The following GKN2 variants were observed in gnomAD, a reference collection of about 807,000 sequenced individuals.
The protein encoded by GKN2 is gastrokine-2.
GKN2 carries 17 observed loss-of-function variants against 22.7 expected under a neutral mutation model. The ratio of observed to expected loss-of-function variants is 0.75; its 90% CI spans 0.51 to 1.13. The LOEUF (loss-of-function observed/expected upper bound fraction) is 1.13, where lower values mean the gene tolerates loss of function less well. Among genes scored for constraint, GKN2 ranks in the 50% most tolerant of loss-of-function variants. GKN2 has a pLI of 0.00. For missense variants in GKN2, 248 were observed against 221.4 expected (o/e 1.12, Z -0.76); for synonymous variants, 82 against 79.6 (o/e 1.03, Z -0.16).
rs906205272 is a variant in GKN2, at chr2:68,950,263, C to A, written c.67G>T (p.Val23Phe). The change falls in exon 3 of 6, where the codon GTT becomes TTT. Residue 23 changes from valine (V) to phenylalanine (F), a missense_variant and splice_region_variant. Coordinates refer to ENST00000328895, the MANE Select transcript of GKN2 (RefSeq NM_182536.3). ...TTGCTTGGGCTGATGATGTTAAAAA[C>A]CTAGATTGAAAAGAAAGACAAAATG... ...IFGIQSHGYEVFNIISPSNNG... is the reference protein window; with the variant it reads ...IFGIQSHGYEFFNIISPSNNG... The A allele has an allele frequency of 6.2e-7, 1 of 1,601,354 alleles. No homozygotes were observed. Among genetic ancestry groups the A allele is most frequent in the African/African-American group, 1.3e-5 (1 of 74,216 alleles).
intron 4 of GKN2, 149 bp from the exon 5 acceptor site, chr2:68,946,609 A>C: frequency 1.6e-6 from 1 of 622,684 alleles, no homozygotes; most frequent in Non-Finnish European, 2.6e-6. Flanking sequence ...TGAACACTCT[A>C]TCTGTGAAGT....
chr2:68,952,560 A>C (rs150966908), intron 1 of GKN2, among the ~76,000 whole-genome samples: 82 of 152,350 alleles, frequency 5.4e-4, no homozygotes, highest in African/African-American at 1.8e-3. Flanking sequence ...TTCCCTATGA[A>C]GCTCATAATA....
chr2:68,949,460 C>A (rs1669822562), intron 3 of GKN2, among the ~76,000 whole-genome samples: 1 of 151,948 alleles, frequency 6.6e-6, no homozygotes, highest in African/African-American at 2.4e-5. Flanking sequence ...CGTTTTGTCA[C>A]CCAGGCTGGA....
chr2:68,945,474 A>C (rs375230428), intron 5 of GKN2, 24 bp from the exon 6 acceptor site: 146 of 1,501,250 alleles, frequency 9.7e-5, no homozygotes, highest in Admixed American at 3.5e-5. Context: ...AATTTTTCAG[A>C]GAAAGAGCAT....
intron 1 of GKN2, among the ~76,000 whole-genome samples, chr2:68,951,755 A>G (rs558904624): frequency 6.6e-6 from 1 of 152,330 alleles, no homozygotes; most frequent in African/African-American, 2.4e-5. Context: ...ATACTCCCGT[A>G]TATTCTAGTT....
intron 4 of GKN2, 147 bp from the exon 5 acceptor site, chr2:68,946,607 C>CT (rs1438772078): frequency 1.6e-6 from 1 of 634,060 alleles, no homozygotes; most frequent in Non-Finnish European, 2.6e-6. Flanking sequence ...TTTGAACACT[C>CT]TATCTGTGAA....
intron 1 of GKN2, among the ~76,000 whole-genome samples, chr2:68,951,664 T>A (rs1669858537): frequency 6.6e-6 from 1 of 152,204 alleles, no homozygotes; most frequent in Non-Finnish European, 1.5e-5. Context: ...GTAGAGCATC[T>A]AACAAAGACC....
intron 5 of GKN2, chr2:68,945,669 T>C: frequency 2.4e-6 from 1 of 414,296 alleles, no homozygotes; most frequent in East Asian, 3.6e-5. Flanking sequence ...GCAGTAGATA[T>C]ATAATAAACA....
intron 1 of GKN2, among the ~76,000 whole-genome samples, chr2:68,951,197 A>G (rs1558707486): frequency 6.6e-6 from 1 of 152,154 alleles, no homozygotes; most frequent in Non-Finnish European, 1.5e-5. Flanking sequence ...ATCCCTTAAG[A>G]CTGAGAGGGT....
intron 3 of GKN2, 65 bp from the exon 4 acceptor site, chr2:68,947,322 G>A: frequency 9.7e-7 from 1 of 1,029,632 alleles, no homozygotes; most frequent in East Asian, 2.4e-5. Flanking sequence ...TGGTGAAGAT[G>A]ATGCCTGAAC....
At position 68,945,270 on chromosome 2, in the gene GKN2, A is replaced by C. The variant is rs1669746905; in HGVS notation, c.*98T>G. Reference sequence around the variant, plus strand: ...CATTTATATTTTCTGACTGAATCTCAAAATTAGTTGGGGCATTGGGAAAGA... The same window carrying C: ...CATTTATATTTTCTGACTGAATCTCCAAATTAGTTGGGGCATTGGGAAAGA... On this transcript the variant is annotated 3_prime_UTR_variant, in exon 6 of 6. Coordinates refer to ENST00000328895, the MANE Select transcript of GKN2 (RefSeq NM_182536.3). The C allele has an allele frequency of 3.5e-6, 3 of 861,294 alleles. No individual in the cohort carries two copies. Among genetic ancestry groups the C allele is most frequent in the Non-Finnish European group, 5.4e-6 (3 of 557,042 alleles). The allele number at this position is 861,294 out of a possible 1,614,324, so 53.4% of individuals were successfully genotyped here.
rs1669747057 is a variant in GKN2 at position 68,945,284 on chromosome 2, C to T, written c.*84G>A. ...GACTGAATCTCAAAATTAGTTGGGG[C>T]ATTGGGAAAGAATTTAATTTGACTT... On this transcript the variant is annotated 3_prime_UTR_variant, in exon 6 of 6. Transcript: ENST00000328895. 4 of 915,996 alleles carry T rather than the reference C, an allele frequency of 4.4e-6. No individual in the cohort carries two copies. The highest frequency in any genetic ancestry group is 6.7e-6 in the Non-Finnish European group (4 of 600,514). 56.7% of individuals were successfully genotyped at this position (915,996 alleles called of 1,614,324 possible). A position where few individuals can be genotyped will look rare whatever the true frequency, so the allele number is the denominator to read the frequency against.
intron 3 of GKN2, among the ~76,000 whole-genome samples, chr2:68,948,387 G>A (rs754706681): frequency 3.9e-5 from 6 of 152,080 alleles, no homozygotes; most frequent in East Asian, 1.9e-4. Context: ...AACCACAGGC[G>A]GCTGGGGGCT....
At chr2:68,951,125 A>G (rs1348327713) in intron 1 of GKN2, among the ~76,000 whole-genome samples, 1 of 152,196 alleles carries the variant, frequency 6.6e-6, no homozygotes, top group East Asian at 1.9e-4. Context: ...TTTGGATAAC[A>G]GTGGTCAAAT....
At chr2:68,950,351 C>T in intron 2 of GKN2, 88 bp from the exon 3 acceptor site, 1 of 1,323,454 alleles carries the variant, frequency 7.6e-7, no homozygotes, top group Non-Finnish European at 1.0e-6. Flanking sequence ...CAGCTGCCTG[C>T]TATGAACAAG....
At chr2:68,951,248 C>G (rs1262129797) in intron 1 of GKN2, among the ~76,000 whole-genome samples, 1 of 152,182 alleles carries the variant, frequency 6.6e-6, no homozygotes, top group East Asian at 1.9e-4. Context: ...AAAGACCTGA[C>G]AGGTTCCTAA....
Position 68,947,013 on chromosome 2 carries a change from T to C in GKN2, c.315+134A>G, listed in dbSNP as rs541863641. ...ATAAAAGTAAAAACACTTTAATAAC[T>C]TTAATAAGTTGAGTATCACATTTAT... is the stretch of plus-strand genomic sequence containing the variant. On this transcript the variant is annotated intron_variant, in intron 4 of 5. Coordinates refer to ENST00000328895, the MANE Select transcript of GKN2 (RefSeq NM_182536.3). 8 of 598,508 alleles carry C rather than the reference T, an allele frequency of 1.3e-5. No homozygotes were observed. The South Asian group carries it at 1.9e-4, about 14-fold the overall frequency. 37.1% of individuals were successfully genotyped at this position (598,508 alleles called of 1,614,324 possible).
intron 1 of GKN2, among the ~76,000 whole-genome samples, chr2:68,951,267 A>G (rs1279459236): frequency 1.3e-5 from 2 of 152,258 alleles, no homozygotes; most frequent in African/African-American, 4.8e-5. Flanking sequence ...AAGGGAAACT[A>G]TGAAAATAGA....
chr2:68,945,285 A>T lies in GKN2; in HGVS notation c.*83T>A. 1 of 961,794 alleles carries T rather than the reference A, an allele frequency of 1.0e-6. No homozygotes were observed. Among genetic ancestry groups the T allele is most frequent in the Non-Finnish European group, 1.6e-6 (1 of 639,492 alleles). The allele number at this position is 961,794 out of a possible 1,614,324, so 59.6% of individuals were successfully genotyped here. On this transcript the variant is annotated 3_prime_UTR_variant, in exon 6 of 6. Coordinates refer to ENST00000328895, the MANE Select transcript of GKN2 (RefSeq NM_182536.3). The stretch of plus-strand genomic sequence containing the variant: ...ACTGAATCTCAAAATTAGTTGGGGC[A>T]TTGGGAAAGAATTTAATTTGACTTT...
Sources: gnomAD v4.1 joint callset for allele counts (sites outside exome capture counted in the v4.1 genomes callset) on GRCh38, gnomAD v4.1.1 for gene constraint, MANE v1.5 for transcripts, NCBI Gene and HGNC (gene_info 2026-07-23, HGNC 2026-07-21) for gene names.